Variants in NEGR1 observed in about 807,000 individuals in gnomAD.
NEGR1 encodes the protein IgLON family member 4.
Under a neutral mutation model 40.9 loss-of-function variants are expected in NEGR1, and 10 were observed. The ratio of observed to expected loss-of-function variants is 0.24; its 90% CI spans 0.15 to 0.42. NEGR1 has a LOEUF of 0.42. NEGR1 is among the 10% of genes least tolerant of loss of function. NEGR1 has a pLI of 1.00. For missense variants in NEGR1, 352 were observed against 438.9 expected (o/e 0.80, Z 1.77); for synonymous variants, 185 against 166.8 (o/e 1.11, Z -0.84).
At chr1:71,757,505 T>C (rs1052605104) in intron 3 of NEGR1, among the ~76,000 whole-genome samples, 1 of 152,146 alleles carries the variant, frequency 6.6e-6, no homozygotes. Flanking sequence ...TTTATTCTAA[T>C]GCCAACCGCT....
At chr1:71,770,755 A>G (rs1656289239) in intron 3 of NEGR1, among the ~76,000 whole-genome samples, 1 of 152,220 alleles carries the variant, frequency 6.6e-6, no homozygotes, top group Non-Finnish European at 1.5e-5. Context: ...ACGAGATACC[A>G]TTTCATGCCA....
chr1:71,431,681 T>G (rs936379012), intron 6 of NEGR1, among the ~76,000 whole-genome samples: 1 of 152,166 alleles, frequency 6.6e-6, no homozygotes, highest in East Asian at 1.9e-4. Flanking sequence ...AACAAATTTC[T>G]TGCTATCATG....
At chr1:71,639,109 A>G (rs1447243599) in intron 4 of NEGR1, among the ~76,000 whole-genome samples, 1 of 151,626 alleles carries the variant, frequency 6.6e-6, no homozygotes, top group African/African-American at 2.4e-5. Context: ...TCTCTGCCAC[A>G]TGTGCTGGTG....
intron 2 of NEGR1, among the ~76,000 whole-genome samples, chr1:71,877,676 A>C (rs1220787581): frequency 1.3e-5 from 2 of 152,200 alleles, no homozygotes; most frequent in Non-Finnish European, 2.9e-5. Context: ...ATTGATAAAA[A>C]ATAGAATAGA....
At chr1:72,066,746 G>T (rs1197387293) in intron 1 of NEGR1, among the ~76,000 whole-genome samples, 3 of 152,074 alleles carry the variant, frequency 2.0e-5, no homozygotes, top group Non-Finnish European at 4.4e-5. Context: ...CTTGATCTTA[G>T]ACCACCAGCC....
intron 6 of NEGR1, among the ~76,000 whole-genome samples, chr1:71,496,328 C>G (rs1431801596): frequency 6.6e-6 from 1 of 151,952 alleles, no homozygotes; most frequent in Admixed American, 6.6e-5. Context: ...GCTTCCAGAA[C>G]TAGAAGGAAT....
intron 6 of NEGR1, among the ~76,000 whole-genome samples, chr1:71,547,437 T>TAAA (rs1191869094): frequency 1.3e-5 from 2 of 151,766 alleles, no homozygotes; most frequent in Non-Finnish European, 3.0e-5. Context: ...TCACAGTCTA[T>TAAA]TCTTGTGTCT....
At chr1:72,050,859 T>C (rs1052408276) in intron 1 of NEGR1, among the ~76,000 whole-genome samples, 2 of 151,526 alleles carry the variant, frequency 1.3e-5, no homozygotes, top group Admixed American at 1.3e-4. Context: ...ACACTAGCAA[T>C]TGTATAAAGA....
At chr1:71,927,270 A>T (rs142917650) in intron 2 of NEGR1, among the ~76,000 whole-genome samples, 23 of 152,320 alleles carry the variant, frequency 1.5e-4, no homozygotes, top group African/African-American at 4.8e-4. Flanking sequence ...TTAATTTTTT[A>T]ATTGTTATGC....
At chr1:71,970,697 A>C (rs1646249086) in intron 1 of NEGR1, among the ~76,000 whole-genome samples, 1 of 152,164 alleles carries the variant, frequency 6.6e-6, no homozygotes, top group Non-Finnish European at 1.5e-5. Context: ...CAAAGAAAAA[A>C]AAAATCACTT....
intron 4 of NEGR1, among the ~76,000 whole-genome samples, chr1:71,673,943 G>A (rs938933521): frequency 7.2e-5 from 11 of 151,880 alleles, no homozygotes; most frequent in Non-Finnish European, 1.5e-4. Context: ...AAACATTTTT[G>A]TACTTTTTTG....
intron 1 of NEGR1, among the ~76,000 whole-genome samples, chr1:72,072,856 T>C (rs1260918418): frequency 6.6e-6 from 1 of 152,200 alleles, no homozygotes; most frequent in Non-Finnish European, 1.5e-5. Flanking sequence ...TATGCCTAGA[T>C]TCTCCATCCA....
chr1:72,143,749 TG>T (rs1343462350), intron 1 of NEGR1, among the ~76,000 whole-genome samples: 1 of 149,812 alleles, frequency 6.7e-6, no homozygotes, highest in Non-Finnish European at 1.5e-5. Flanking sequence ...AGAAAAATTT[TG>T]ATCTATATAC....
chr1:71,557,362 C>A (rs1291609636), intron 6 of NEGR1, among the ~76,000 whole-genome samples: 2 of 151,486 alleles, frequency 1.3e-5, no homozygotes, highest in African/African-American at 4.8e-5. Context: ...TTCTTCCAGA[C>A]AAATGTTAGC....
At chr1:71,597,664 T>C (rs1649769580) in intron 5 of NEGR1, among the ~76,000 whole-genome samples, 1 of 151,822 alleles carries the variant, frequency 6.6e-6, no homozygotes, top group Non-Finnish European at 1.5e-5. Context: ...CCCAGCACTT[T>C]GGGAGGCTGA....
At chr1:71,910,277 C>A (rs758873421) in intron 2 of NEGR1, among the ~76,000 whole-genome samples, 1 of 152,142 alleles carries the variant, frequency 6.6e-6, no homozygotes, top group African/African-American at 2.4e-5. Flanking sequence ...TGCGAGCAAG[C>A]AACTGTTGTA....
intron 4 of NEGR1, among the ~76,000 whole-genome samples, chr1:71,635,465 T>C (rs1557595117): frequency 6.7e-6 from 1 of 149,748 alleles, no homozygotes; most frequent in Non-Finnish European, 1.5e-5. Context: ...AGAGTTATAG[T>C]AGTAGAGATG....
At chr1:71,895,185 G>A (rs1313602067) in intron 2 of NEGR1, among the ~76,000 whole-genome samples, 1 of 152,016 alleles carries the variant, frequency 6.6e-6, no homozygotes, top group Non-Finnish European at 1.5e-5. Context: ...CCAAGTTTTT[G>A]TCATTTTTGT....
chr1:72,046,976 CT>C (rs2100467360), intron 1 of NEGR1, among the ~76,000 whole-genome samples: 1 of 151,686 alleles, frequency 6.6e-6, no homozygotes, highest in South Asian at 2.1e-4. Context: ...TTCCAACGTC[CT>C]TAATTTTCAA....
Sources: allele counts gnomAD v4.1 joint callset (sites outside exome capture counted in the v4.1 genomes callset), GRCh38; gene constraint gnomAD v4.1.1; transcripts MANE v1.5; gene names NCBI Gene and HGNC (gene_info 2026-07-23, HGNC 2026-07-21).